The following TRPM3 variants were observed in gnomAD, a reference collection of about 807,000 sequenced individuals.
The protein encoded by TRPM3 is long transient receptor potential channel 3.
Under a neutral mutation model 181.2 loss-of-function variants are expected in TRPM3, and 77 were observed. That is an observed-to-expected ratio of 0.42 (90% CI 0.35 to 0.51). The LOEUF is 0.51. Ranked by LOEUF, TRPM3 falls within the 20% of genes least tolerant of loss-of-function variation. TRPM3 has a pLI of 0.01. For synonymous variants in TRPM3, 745 were observed against 796.4 expected (o/e 0.94, Z 1.09); for missense variants, 1,759 against 2,196.7 (o/e 0.80, Z 3.98).
intron 9 of TRPM3, among the ~76,000 whole-genome samples, chr9:70,659,792 A>G (rs1023231182): frequency 6.6e-6 from 1 of 152,182 alleles, no homozygotes; most frequent in Non-Finnish European, 1.5e-5. Flanking sequence ...TGGAGTCACA[A>G]AAACTAAGCT....
chr9:70,951,423 C>T (rs2096998058), intron 1 of TRPM3, among the ~76,000 whole-genome samples: 1 of 152,100 alleles, frequency 6.6e-6, no homozygotes, highest in Non-Finnish European at 1.5e-5. Flanking sequence ...CTCACTGCAA[C>T]CTCCACCTCC....
intron 1 of TRPM3, among the ~76,000 whole-genome samples, chr9:71,060,196 C>G (rs74987421): frequency 6.6e-6 from 1 of 152,052 alleles, no homozygotes. Context: ...AAGCAGTGAC[C>G]TCCCAGGGAC....
chr9:70,901,928 T>G (rs1005773850), intron 1 of TRPM3, among the ~76,000 whole-genome samples: 3 of 152,244 alleles, frequency 2.0e-5, no homozygotes, highest in African/African-American at 4.8e-5. Flanking sequence ...ATCATTAGGC[T>G]TCTATTACAT....
At chr9:71,421,895 A>G (rs1044219248) in intron 1 of TRPM3, among the ~76,000 whole-genome samples, 6 of 152,034 alleles carry the variant, frequency 3.9e-5, no homozygotes, top group African/African-American at 7.2e-5. Flanking sequence ...TGACCACATC[A>G]TTATACACAC....
At chr9:71,027,455 T>C (rs988703657) in intron 1 of TRPM3, among the ~76,000 whole-genome samples, 1 of 152,248 alleles carries the variant, frequency 6.6e-6, no homozygotes, top group African/African-American at 2.4e-5. Flanking sequence ...GGTTCTTAAC[T>C]GGGCTGAGAT....
chr9:71,388,780 T>G (rs528351693), intron 1 of TRPM3, among the ~76,000 whole-genome samples: 47 of 152,240 alleles, frequency 3.1e-4, no homozygotes, highest in African/African-American at 1.1e-3. Flanking sequence ...TTCCCTAATG[T>G]GGCTTCAGTG....
intron 1 of TRPM3, among the ~76,000 whole-genome samples, chr9:71,144,476 T>C (rs146543741): frequency 7.2e-5 from 11 of 152,174 alleles, no homozygotes; most frequent in Non-Finnish European, 1.3e-4. Context: ...GAATTGTTAT[T>C]GTACCCTTAA....
chr9:70,622,494 C>T (rs556007005), intron 14 of TRPM3, among the ~76,000 whole-genome samples: 1 of 152,176 alleles, frequency 6.6e-6, no homozygotes, highest in African/African-American at 2.4e-5. Context: ...AGGGCAAGGG[C>T]GAGTGGGGCC....
chr9:70,880,006 A>C (rs2095956320), intron 1 of TRPM3, among the ~76,000 whole-genome samples: 1 of 152,140 alleles, frequency 6.6e-6, no homozygotes, highest in African/African-American at 2.4e-5. Flanking sequence ...TACATGCTGG[A>C]AAACACTGAT....
At chr9:71,012,330 ATTTT>A (rs765163666) in intron 1 of TRPM3, among the ~76,000 whole-genome samples, 1 of 150,646 alleles carries the variant, frequency 6.6e-6, no homozygotes, top group South Asian at 2.1e-4. Flanking sequence ...TTATTTTTTG[ATTTT>A]TTTATTTCAT....
intron 1 of TRPM3, among the ~76,000 whole-genome samples, chr9:70,946,905 G>T (rs2096939687): frequency 3.3e-5 from 5 of 152,096 alleles, no homozygotes; most frequent in Admixed American, 3.3e-4. Flanking sequence ...TTGCTGTATG[G>T]TATACAGTGC....
intron 8 of TRPM3, among the ~76,000 whole-genome samples, chr9:70,698,162 C>T (rs1187699139): frequency 1.3e-5 from 2 of 149,818 alleles, no homozygotes; most frequent in African/African-American, 2.5e-5. Context: ...GAGCTGAGAT[C>T]GCATCACCGC....
intron 1 of TRPM3, among the ~76,000 whole-genome samples, chr9:71,374,904 C>G (rs11998904): frequency 0.42 from 64,336 of 151,858 alleles, 13,778 homozygotes; most frequent in South Asian, 0.53. Context: ...TGAAGGACCT[C>G]TTCAAGAACT....
At chr9:71,321,434 C>T (rs1010800270) in intron 1 of TRPM3, among the ~76,000 whole-genome samples, 1 of 152,032 alleles carries the variant, frequency 6.6e-6, no homozygotes, top group Non-Finnish European at 1.5e-5. Context: ...TTGCTTAGAC[C>T]ACTTAGTTAA....
At chr9:70,567,106 G>A (rs2050807214) in intron 22 of TRPM3, among the ~76,000 whole-genome samples, 1 of 152,164 alleles carries the variant, frequency 6.6e-6, no homozygotes. Flanking sequence ...CACCTGCTGT[G>A]TCAAAGAACA....
At chr9:70,889,973 ATATT>A (rs902606358) in intron 1 of TRPM3, among the ~76,000 whole-genome samples, 5 of 148,024 alleles carry the variant, frequency 3.4e-5, no homozygotes, top group African/African-American at 1.2e-4. Flanking sequence ...TAAAATATAA[ATATT>A]TATAGCATAT....
chr9:71,282,417 A>G lies in TRPM3; in HGVS notation c.183+164236T>C, dbSNP rs1415541215. Reference sequence around the variant, plus strand: ...GAAAGAAAGGAAAAGAAAGAAAAAGAAAAAGAAAGAAAAAAAGAAAGAGAA... The same window carrying G: ...GAAAGAAAGGAAAAGAAAGAAAAAGGAAAAGAAAGAAAAAAAGAAAGAGAA... On this transcript the variant is annotated intron_variant, in intron 1 of 24. Coordinates refer to the TRPM3 transcript ENST00000357533. 1.2e-4 allele frequency among the ~76,000 whole-genome samples: 13 copies of G among 106,694 alleles called. 3 individuals carry two copies. The highest frequency in any genetic ancestry group is 3.5e-4 in the Admixed American group (4 of 11,358). 70.0% of individuals were successfully genotyped at this position (106,694 alleles called of 152,430 possible). A position where few individuals can be genotyped will look rare whatever the true frequency, so the allele number is the denominator to read the frequency against.
At chr9:71,295,838 C>CAA (rs11383819) in intron 1 of TRPM3, among the ~76,000 whole-genome samples, 2,607 of 86,086 alleles carry the variant, frequency 0.03, 59 homozygotes, top group African/African-American at 0.051. Context: ...GATCCCGTCT[C>CAA]AAAAAAAAAA....
At chr9:71,363,213 G>A (rs2092221215) in intron 1 of TRPM3, among the ~76,000 whole-genome samples, 1 of 152,154 alleles carries the variant, frequency 6.6e-6, no homozygotes, top group African/African-American at 2.4e-5. Context: ...GAAATGAGAA[G>A]ACATTTGATA....
Sources: gnomAD v4.1 joint callset for allele counts (sites outside exome capture counted in the v4.1 genomes callset) on GRCh38, gnomAD v4.1.1 for gene constraint, MANE v1.5 for transcripts, NCBI Gene and HGNC (gene_info 2026-07-23, HGNC 2026-07-21) for gene names.